The following CELF2 variants were observed in gnomAD, a reference collection of about 807,000 sequenced individuals.
The protein encoded by CELF2 is CUGBP Elav-like family member 2, also known as CUG triplet repeat RNA-binding protein 2.
Under a neutral mutation model 62.6 loss-of-function variants are expected in CELF2, and 8 were observed. That is an observed-to-expected ratio of 0.13 (90% CI 0.07 to 0.23). The LOEUF is 0.23. CELF2 is among the 10% of genes least tolerant of loss of function. The pLI, the probability that CELF2 is intolerant of heterozygous loss-of-function variation, is 1.00. For synonymous variants in CELF2, 258 were observed against 250.0 expected (o/e 1.03, Z -0.30); for missense variants, 333 against 671.0 (o/e 0.50, Z 5.56).
At chr10:10,589,124 G>T in the CELF2 span, among the ~76,000 whole-genome samples, 2 of 152,158 alleles carry the variant, frequency 1.3e-5, no homozygotes, top group African/African-American at 2.4e-5. Flanking sequence ...GATGTACATT[G>T]GTTTGGTCCA....
At chr10:10,872,748 G>A (rs570443954) in intron 1 of CELF2, among the ~76,000 whole-genome samples, 1 of 152,158 alleles carries the variant, frequency 6.6e-6, no homozygotes, top group South Asian at 2.1e-4. Flanking sequence ...TTGCACCCAT[G>A]GGGTGAGGAA....
At chr10:10,570,473 G>A in the CELF2 span, among the ~76,000 whole-genome samples, 3 of 151,998 alleles carry the variant, frequency 2.0e-5, no homozygotes, top group Non-Finnish European at 4.4e-5. Context: ...TAAATGTTTA[G>A]GATGTTCAAA....
the CELF2 span, among the ~76,000 whole-genome samples, chr10:10,718,949 A>G: frequency 6.6e-6 from 1 of 151,672 alleles, no homozygotes; most frequent in Non-Finnish European, 1.5e-5. Context: ...TTTTTCTGAA[A>G]TAGTTACTGG....
chr10:10,594,157 T>A, the CELF2 span, among the ~76,000 whole-genome samples: 1 of 152,112 alleles, frequency 6.6e-6, no homozygotes, highest in African/African-American at 2.4e-5. Flanking sequence ...TATTTTGAGT[T>A]TAGCATTGGC....
chr10:10,507,525 C>G, the CELF2 span, among the ~76,000 whole-genome samples: 1 of 152,110 alleles, frequency 6.6e-6, no homozygotes. Context: ...GTTCTCATAA[C>G]TGCATAGTCC....
In CELF2 at chr10:11,159,832, T is replaced by A. The variant is rs773673186; in HGVS notation, c.75-5654T>A. 1.3e-5 allele frequency among the ~76,000 whole-genome samples: 2 copies of A among 152,194 alleles called. No individual in the cohort carries two copies. Among genetic ancestry groups the A allele is most frequent in the Non-Finnish European group, 2.9e-5 (2 of 68,042 alleles). On this transcript the variant is annotated intron_variant, in intron 1 of 12. Coordinates refer to ENST00000633077, the MANE Select transcript of CELF2 (RefSeq NM_001326342.2). This position sits in a 1 kb window ranked among gnomAD's most constrained non-coding sequence, Gnocchi z 5.0. ...TCGTGTGCTATTACTTAAGTACAAGTGATATTTAAAAATGATTCCTGAGCC... is the reference window on the plus strand; with the variant it reads ...TCGTGTGCTATTACTTAAGTACAAGAGATATTTAAAAATGATTCCTGAGCC...
chr10:11,252,855 A>G (rs3897208), intron 4 of CELF2, among the ~76,000 whole-genome samples: 1,668 of 152,304 alleles, frequency 0.011, 31 homozygotes, highest in African/African-American at 0.038. Flanking sequence ...ACCTTCCAAC[A>G]GAATCCGCCT....
At chr10:10,526,236 A>G in the CELF2 span, among the ~76,000 whole-genome samples, 3 of 152,254 alleles carry the variant, frequency 2.0e-5, no homozygotes, top group African/African-American at 7.2e-5. Context: ...AAGATATTAT[A>G]GAATCAAAAA....
chr10:10,825,065 T>C (rs775111281), intron 1 of CELF2, among the ~76,000 whole-genome samples: 4 of 152,214 alleles, frequency 2.6e-5, no homozygotes, highest in Non-Finnish European at 4.4e-5. Context: ...TGGAAACTCA[T>C]TGGGGCTGTT....
At chr10:11,179,899 T>G (rs2072705413) in intron 2 of CELF2, among the ~76,000 whole-genome samples, 1 of 152,128 alleles carries the variant, frequency 6.6e-6, no homozygotes, top group Admixed American at 6.5e-5. Context: ...GCTTACGTGG[T>G]GTCAGGTAAC....
rs2065328023 is a variant in CELF2 at position 11,159,989 on chromosome 10, C to T, written c.75-5497C>T. ...ATTAACCGGCCACTCAGCGGCCTGTCGGAGCCTCCAGGCTACTCTCCATAG... is the reference window on the plus strand; with the variant it reads ...ATTAACCGGCCACTCAGCGGCCTGTTGGAGCCTCCAGGCTACTCTCCATAG... On this transcript the variant is annotated intron_variant, in intron 1 of 12. Coordinates refer to ENST00000633077, the MANE Select transcript of CELF2 (RefSeq NM_001326342.2). This position sits in a 1 kb window ranked among gnomAD's most constrained non-coding sequence, Gnocchi z 5.0. Among the ~76,000 whole-genome samples the T allele has an allele frequency of 6.6e-6, 1 of 152,168 alleles. No homozygotes were observed. The highest frequency in any genetic ancestry group is 6.5e-5 in the Admixed American group (1 of 15,288).
At chr10:11,276,244 G>A (rs1455468787) in intron 8 of CELF2, among the ~76,000 whole-genome samples, 4 of 152,060 alleles carry the variant, frequency 2.6e-5, no homozygotes, top group Non-Finnish European at 4.4e-5. Flanking sequence ...GTTGTGGCCC[G>A]AGGCTCCTGG....
intron 8 of CELF2, among the ~76,000 whole-genome samples, chr10:11,286,614 C>G (rs979918432): frequency 6.6e-5 from 10 of 152,192 alleles, no homozygotes; most frequent in Non-Finnish European, 1.5e-4. Flanking sequence ...CTCCATTTTC[C>G]TAAAGTAAAA....
intron 2 of CELF2, chr10:10,935,010 G>A (rs796690745): frequency 6.6e-5 from 10 of 152,250 alleles, no homozygotes; most frequent in African/African-American, 2.4e-4. Context: ...GACTTCTCTG[G>A]GGTGACTTCA....
chr10:10,729,993 C>T, the CELF2 span, among the ~76,000 whole-genome samples: 20 of 152,284 alleles, frequency 1.3e-4, no homozygotes, highest in East Asian at 3.5e-3. Context: ...AAATTCTCTT[C>T]AGTTTTCAAT....
At chr10:11,230,015 G>A (rs889741087) in intron 3 of CELF2, among the ~76,000 whole-genome samples, 2 of 152,116 alleles carry the variant, frequency 1.3e-5, no homozygotes, top group African/African-American at 2.4e-5. Context: ...TTCATCTTCC[G>A]CTTTCATCTG....
chr10:10,774,926 T>C, the CELF2 span, among the ~76,000 whole-genome samples: 4 of 151,986 alleles, frequency 2.6e-5, no homozygotes, highest in Admixed American at 6.6e-5. Flanking sequence ...TCACCCAGGC[T>C]GGAGTGCAGT....
rs2095422735 is a variant in CELF2, at chr10:11,321,211, G to A, written c.1119G>A (p.Met373Ile). The A allele has an allele frequency of 6.2e-7, 1 of 1,614,156 alleles. No homozygotes were observed. The highest frequency in any genetic ancestry group is 2.2e-5 in the East Asian group (1 of 44,886). Residue 373 changes from methionine (M) to isoleucine (I), a missense_variant, in exon 11 of 13, where the codon ATG becomes ATA. By Grantham distance (10) the Met-to-Ile change is conservative. Around this residue, in one of 3 missense-constraint regions of CELF2, gnomAD observed 253 missense variants for 503.0 expected, o/e 0.50. Transcript: ENST00000633077. This position sits in a 1 kb window ranked among gnomAD's most constrained non-coding sequence, Gnocchi z 6.2. ...ALAVAQMLSG[M>I]AALNGGLGAT... Reference sequence around the variant, plus strand: ...AAGTTGCTCAAATGCTCTCAGGTATGGCGGCTCTGAATGGAGGACTTGGCG... The same window carrying A: ...AAGTTGCTCAAATGCTCTCAGGTATAGCGGCTCTGAATGGAGGACTTGGCG...
chr10:10,873,091 G>C (rs2060858343), intron 1 of CELF2, among the ~76,000 whole-genome samples: 1 of 151,980 alleles, frequency 6.6e-6, no homozygotes, highest in Non-Finnish European at 1.5e-5. Context: ...CACATATATT[G>C]TACCAAGCTG....
Sources: gnomAD v4.1 joint callset for allele counts (sites outside exome capture counted in the v4.1 genomes callset) on GRCh38, gnomAD v4.1.1 for gene constraint, gnomAD v4.1.1 regional missense constraint, Gnocchi (gnomAD v3.1) non-coding constraint, MANE v1.5 for transcripts, NCBI Gene and HGNC (gene_info 2026-07-23, HGNC 2026-07-21) for gene names.